Variants in MSI2 observed in about 807,000 individuals in gnomAD.
The protein encoded by MSI2 is musashi RNA binding protein 2, also known as RNA-binding protein Musashi homolog 2.
In MSI2, 17 loss-of-function variants were observed where a neutral mutation model predicts 45.6. The observed-to-expected ratio is 0.37, with a 90% confidence interval of 0.26 to 0.56. The LOEUF is 0.56. MSI2 is among the 20% of genes least tolerant of loss of function. The probability of loss-of-function intolerance (pLI) is 0.77; values close to 1 mark genes in which losing one functional copy is unlikely to be tolerated. For missense variants in MSI2, 293 were observed against 444.2 expected, an observed-to-expected ratio of 0.66 and a Z score of 3.06; for synonymous variants, 156 against 158.2, an observed-to-expected ratio of 0.99 and a Z score of 0.11.
chr17:57,406,587 T>C (rs141337483), intron 6 of MSI2, among the ~76,000 whole-genome samples: 341 of 152,324 alleles, frequency 2.2e-3, no homozygotes, highest in African/African-American at 7.6e-3. Flanking sequence ...AGCCCGCATT[T>C]GGAGGCTTCC....
In MSI2 at chr17:57,563,746, GCACACACA is replaced by G. The variant is rs61342598; in HGVS notation, c.455-33091_455-33084del. On this transcript the variant is annotated intron_variant, in intron 7 of 13. Transcript: ENST00000284073. ...TTCCCTCTCACACACACACAGGCGC[GCACACACA>G]CACACACACACACACACACACACAC... is the stretch of plus-strand genomic sequence containing the variant. Among the ~76,000 whole-genome samples the G allele has an allele frequency of 9.0e-3, 1,252 of 139,392 alleles. 15 individuals are homozygous for G. The highest frequency in any genetic ancestry group is 0.029 in the South Asian group (121 of 4,184). The allele number at this position is 139,392 out of a possible 152,430, so 91.4% of individuals were successfully genotyped here.
chr17:57,652,260 A>C lies in MSI2; in HGVS notation c.790+99A>C. On this transcript the variant is annotated intron_variant, in intron 11 of 13. Transcript: ENST00000284073. This position sits in a 1 kb window ranked among gnomAD's most constrained non-coding sequence, Gnocchi z 4.1. ...ATCTGTGTGGCTGCATCTGTCCAAC[A>C]CCACTCTCACCACAGCCCCGGGGAG... is the stretch of plus-strand genomic sequence containing the variant. The C allele has an allele frequency of 1.7e-6, 2 of 1,176,554 alleles. No homozygotes were observed. Among genetic ancestry groups the C allele is most frequent in the Non-Finnish European group, 1.2e-6 (1 of 802,518 alleles). 72.9% of individuals were successfully genotyped at this position (1,176,554 alleles called of 1,614,324 possible). A position where few individuals can be genotyped will look rare whatever the true frequency, so the allele number is the denominator to read the frequency against.
intron 5 of MSI2, among the ~76,000 whole-genome samples, chr17:57,313,563 G>A (rs537457318): frequency 9.9e-5 from 15 of 152,162 alleles, no homozygotes; most frequent in Non-Finnish European, 1.8e-4. Flanking sequence ...ACACACACCA[G>A]AAAAACAAAA....
chr17:57,370,364 A>G (rs1456449092), intron 5 of MSI2, among the ~76,000 whole-genome samples: 1 of 152,236 alleles, frequency 6.6e-6, no homozygotes, highest in African/African-American at 2.4e-5. Context: ...ATCTTTCCAA[A>G]TAGAAGAAAT....
intron 6 of MSI2, among the ~76,000 whole-genome samples, chr17:57,463,702 C>T (rs1247596949): frequency 6.6e-6 from 1 of 152,188 alleles, no homozygotes; most frequent in Non-Finnish European, 1.5e-5. Flanking sequence ...TGTGAACCCA[C>T]TGCTCCAGCC....
chr17:57,597,927 G>A (rs375699153), intron 8 of MSI2, among the ~76,000 whole-genome samples: 1 of 152,060 alleles, frequency 6.6e-6, no homozygotes, highest in Non-Finnish European at 1.5e-5. Context: ...TCCTTTTTCT[G>A]CCACAGCAGC....
chr17:57,596,837 T>C lies in MSI2; in HGVS notation c.455-31T>C. The C allele has an allele frequency of 6.4e-7, 1 of 1,562,232 alleles. No homozygotes were observed. The highest frequency in any genetic ancestry group is 1.7e-4 in the Middle Eastern group (1 of 5,954). On this transcript the variant is annotated intron_variant, in intron 7 of 13. Transcript: ENST00000284073. This position sits in a 1 kb window ranked among gnomAD's most constrained non-coding sequence, Gnocchi z 4.6. Reference sequence around the variant, plus strand: ...CAGAACTGAACTCACCCCGCCTCTCTTTGTTTTTTCTTCTCTCTCTTTTCC... The same window carrying C: ...CAGAACTGAACTCACCCCGCCTCTCCTTGTTTTTTCTTCTCTCTCTTTTCC...
intron 7 of MSI2, among the ~76,000 whole-genome samples, chr17:57,571,870 G>A (rs550675426): frequency 2.0e-5 from 3 of 152,024 alleles, no homozygotes; most frequent in African/African-American, 4.8e-5. Flanking sequence ...TGCCTTCCCC[G>A]CCCACATCAG....
intron 5 of MSI2, among the ~76,000 whole-genome samples, chr17:57,325,876 C>T (rs927472990): frequency 4.6e-5 from 7 of 152,174 alleles, no homozygotes; most frequent in African/African-American, 1.2e-4. Context: ...CATTTTCTGG[C>T]GTCTCCTCTT....
At position 57,457,480 on chromosome 17, in the gene MSI2, T is replaced by G. The variant is rs116379129; in HGVS notation, c.405+56009T>G. ...AGGTAATGATTCCTTATTTGGCCAATGAACTTATTTTAAGGAGACTAAATT... is the reference window on the plus strand; with the variant it reads ...AGGTAATGATTCCTTATTTGGCCAAGGAACTTATTTTAAGGAGACTAAATT... On this transcript the variant is annotated intron_variant, in intron 6 of 13. Coordinates refer to ENST00000284073, the MANE Select transcript of MSI2 (RefSeq NM_138962.4). 4.9e-3 allele frequency among the ~76,000 whole-genome samples: 745 copies of G among 152,374 alleles called. 6 individuals carry two copies. Among genetic ancestry groups the G allele is most frequent in the African/African-American group, 0.017 (716 of 41,586 alleles).
intron 6 of MSI2, among the ~76,000 whole-genome samples, chr17:57,441,254 G>T (rs953464826): frequency 2.6e-5 from 4 of 152,182 alleles, no homozygotes; most frequent in Non-Finnish European, 5.9e-5. Context: ...AAGGCCCAGG[G>T]CTGACTCTTT....
chr17:57,447,708 A>G (rs2084926263), intron 6 of MSI2, among the ~76,000 whole-genome samples: 2 of 151,798 alleles, frequency 1.3e-5, no homozygotes, highest in Non-Finnish European at 2.9e-5. Flanking sequence ...GGAGTGCACG[A>G]CCCAGTGCCT....
intron 7 of MSI2, among the ~76,000 whole-genome samples, chr17:57,538,840 T>C (rs2086978983): frequency 6.6e-6 from 1 of 152,206 alleles, no homozygotes; most frequent in African/African-American, 2.4e-5. Context: ...GATCACATGC[T>C]CTGAAGTGAG....
chr17:57,619,889 A>C (rs974810299), intron 9 of MSI2, among the ~76,000 whole-genome samples: 1 of 152,180 alleles, frequency 6.6e-6, no homozygotes, highest in Non-Finnish European at 1.5e-5. Flanking sequence ...TTAGGTAAAG[A>C]TATTGTTGCA....
intron 10 of MSI2, among the ~76,000 whole-genome samples, chr17:57,638,139 G>A (rs1909978635): frequency 6.6e-6 from 1 of 152,218 alleles, no homozygotes; most frequent in African/African-American, 2.4e-5. Context: ...GGTAGCTGGT[G>A]CCTTCTGGCA....
chr17:57,486,063 A>G (rs961071622), intron 6 of MSI2, among the ~76,000 whole-genome samples: 12 of 152,230 alleles, frequency 7.9e-5, no homozygotes, highest in Non-Finnish European at 1.6e-4. Context: ...CCAAGGATAC[A>G]GTGTCAGAAT....
chr17:57,663,501 G>C (rs1053496536), intron 11 of MSI2, among the ~76,000 whole-genome samples: 31 of 152,258 alleles, frequency 2.0e-4, no homozygotes, highest in Middle Eastern at 3.4e-3. Flanking sequence ...GGAGAGGGTG[G>C]GCTTCTGACC....
At chr17:57,400,030 A>G (rs917313407) in intron 5 of MSI2, among the ~76,000 whole-genome samples, 1 of 152,228 alleles carries the variant, frequency 6.6e-6, no homozygotes, top group African/African-American at 2.4e-5. Context: ...CCTACATCAC[A>G]TCGAGTTGCA....
At chr17:57,287,714 C>T (rs541359520) in intron 5 of MSI2, among the ~76,000 whole-genome samples, 4 of 152,324 alleles carry the variant, frequency 2.6e-5, no homozygotes, top group African/African-American at 7.2e-5. Context: ...CACACCTGGC[C>T]GGCCTGGCAG....
Sources: allele counts gnomAD v4.1 joint callset (sites outside exome capture counted in the v4.1 genomes callset), GRCh38; gene constraint gnomAD v4.1.1; non-coding constraint Gnocchi (gnomAD v3.1); transcripts MANE v1.5; gene names NCBI Gene and HGNC (gene_info 2026-07-23, HGNC 2026-07-21).